The following LYPLAL1 variants were observed in gnomAD, a reference collection of about 807,000 sequenced individuals.
LYPLAL1 encodes the protein lysophospholipase like 1, also known as lysophospholipase-like protein 1.
In LYPLAL1, 23 loss-of-function variants were observed where a neutral mutation model predicts 19.7. The ratio of observed to expected loss-of-function variants is 1.17; its 90% CI spans 0.84 to 1.65. The LOEUF (loss-of-function observed/expected upper bound fraction) is 1.65. Ranked by LOEUF, LYPLAL1 falls within the 40% of genes most tolerant of loss-of-function variation. LYPLAL1 has a pLI of 0.00. For missense variants in LYPLAL1, 355 were observed against 279.4 expected (o/e 1.27, Z -1.93); for synonymous variants, 119 against 96.3 (o/e 1.24, Z -1.38).
chr1:219,339,005 C>T, the LYPLAL1 span, among the ~76,000 whole-genome samples: 2 of 151,824 alleles, frequency 1.3e-5, no homozygotes, highest in Non-Finnish European at 2.9e-5. Flanking sequence ...ATTTACTCAG[C>T]GGTCAGTAAG....
chr1:219,339,771 A>G, the LYPLAL1 span, among the ~76,000 whole-genome samples: 1 of 152,100 alleles, frequency 6.6e-6, no homozygotes, highest in Admixed American at 6.6e-5. Flanking sequence ...TTAGAAACAT[A>G]TGGACCAAAT....
the LYPLAL1 span, among the ~76,000 whole-genome samples, chr1:219,445,451 G>C: frequency 6.6e-6 from 1 of 150,760 alleles, no homozygotes; most frequent in Non-Finnish European, 1.5e-5. Flanking sequence ...GACTGCAGTT[G>C]TAAGAGAAAA....
intron 3 of LYPLAL1, among the ~76,000 whole-genome samples, chr1:219,203,806 G>A (rs931875082): frequency 2.0e-5 from 3 of 152,170 alleles, no homozygotes; most frequent in Non-Finnish European, 2.9e-5. Context: ...ACTAGTCAGT[G>A]TGAAGGTCAG....
chr1:219,190,355 T>C (rs1009024254), intron 2 of LYPLAL1, among the ~76,000 whole-genome samples: 4 of 151,494 alleles, frequency 2.6e-5, no homozygotes, highest in Non-Finnish European at 5.9e-5. Context: ...CCTCCCTTTC[T>C]CTCTCCTTCT....
intron 2 of LYPLAL1, among the ~76,000 whole-genome samples, chr1:219,181,236 G>A (rs189105935): frequency 8.0e-4 from 122 of 152,164 alleles, no homozygotes; most frequent in East Asian, 6.6e-3. Flanking sequence ...TCTTACTTCT[G>A]ATGCTAAATA....
the LYPLAL1 span, among the ~76,000 whole-genome samples, chr1:219,309,715 T>G: frequency 1.3e-5 from 2 of 152,220 alleles, no homozygotes; most frequent in Non-Finnish European, 2.9e-5. Flanking sequence ...GCCATGATTC[T>G]GAGGCCTCCC....
At chr1:219,383,030 A>G in the LYPLAL1 span, among the ~76,000 whole-genome samples, 3 of 152,204 alleles carry the variant, frequency 2.0e-5, no homozygotes, top group African/African-American at 7.2e-5. Context: ...TTCTTAAATT[A>G]TGTGTCTAGA....
At chr1:219,257,375 G>A in the LYPLAL1 span, among the ~76,000 whole-genome samples, 3 of 110,000 alleles carry the variant, frequency 2.7e-5, no homozygotes, top group South Asian at 2.7e-4. Context: ...TTTTTTTTTT[G>A]GTTACTGTTT....
chr1:219,326,165 C>T, the LYPLAL1 span, among the ~76,000 whole-genome samples: 720 of 152,142 alleles, frequency 4.7e-3, 8 homozygotes, highest in African/African-American at 0.016. Context: ...CCGCCTGCCT[C>T]GGCCTCTCAA....
chr1:219,366,240 G>A, the LYPLAL1 span, among the ~76,000 whole-genome samples: 1 of 152,112 alleles, frequency 6.6e-6, no homozygotes, highest in Non-Finnish European at 1.5e-5. Context: ...GATAATGAAT[G>A]TTTAAATATC....
At chr1:219,436,536 G>C in the LYPLAL1 span, among the ~76,000 whole-genome samples, 40 of 152,162 alleles carry the variant, frequency 2.6e-4, no homozygotes, top group Non-Finnish European at 5.3e-4. Context: ...GCTTAGTCTT[G>C]AAGGGGGAAG....
the LYPLAL1 span, among the ~76,000 whole-genome samples, chr1:219,355,927 T>C: frequency 6.6e-6 from 1 of 152,210 alleles, no homozygotes; most frequent in East Asian, 1.9e-4. Flanking sequence ...AAAATAAATA[T>C]ATGGAACAAT....
the LYPLAL1 span, among the ~76,000 whole-genome samples, chr1:219,234,782 C>T: frequency 6.6e-6 from 1 of 152,038 alleles, no homozygotes; most frequent in Non-Finnish European, 1.5e-5. Context: ...GTATTTTTAT[C>T]ACTTAGGAAC....
chr1:219,241,134 C>CTCTCTCTCTCTCTCTATATATATATATA, the LYPLAL1 span, among the ~76,000 whole-genome samples: 3 of 44,368 alleles, frequency 6.8e-5, no homozygotes, highest in African/African-American at 2.4e-4. Context: ...CTCTCTCTCT[C>CTCTCTCTCTCTCTCTATATATATATATA]TATATATATA....
chr1:219,335,694 A>T, the LYPLAL1 span, among the ~76,000 whole-genome samples: 1 of 151,912 alleles, frequency 6.6e-6, no homozygotes, highest in Non-Finnish European at 1.5e-5. Flanking sequence ...ATTCATTTAC[A>T]TATTATTTAT....
chr1:219,190,095 C>G (rs1657027087), intron 2 of LYPLAL1, among the ~76,000 whole-genome samples: 2 of 151,396 alleles, frequency 1.3e-5, no homozygotes, highest in Middle Eastern at 3.4e-3. Flanking sequence ...CAAAATAGAG[C>G]CTTTCTCAAC....
the LYPLAL1 span, among the ~76,000 whole-genome samples, chr1:219,428,907 T>A: frequency 6.6e-6 from 1 of 151,914 alleles, no homozygotes; most frequent in Non-Finnish European, 1.5e-5. Flanking sequence ...GGGTACAGAC[T>A]ATTATAGCAG....
At chr1:219,395,972 G>A in the LYPLAL1 span, among the ~76,000 whole-genome samples, 60,977 of 151,506 alleles carry the variant, frequency 0.4, 12,388 homozygotes, top group Admixed American at 0.48. Context: ...GCATGGTGGC[G>A]GGCACCTGTA....
chr1:219,239,931 G>C, the LYPLAL1 span, among the ~76,000 whole-genome samples: 1 of 152,164 alleles, frequency 6.6e-6, no homozygotes, highest in East Asian at 1.9e-4. Flanking sequence ...TCAGTGAGAT[G>C]CAATGTTTTT....
Sources: gnomAD v4.1 joint callset for allele counts (sites outside exome capture counted in the v4.1 genomes callset) on GRCh38, gnomAD v4.1.1 for gene constraint, MANE v1.5 for transcripts, NCBI Gene and HGNC (gene_info 2026-07-23, HGNC 2026-07-21) for gene names.